Variants in MSI2 observed in about 807,000 individuals in gnomAD.
MSI2 encodes the protein musashi RNA binding protein 2, also known as RNA-binding protein Musashi homolog 2.
MSI2 carries 17 observed loss-of-function variants against 45.6 expected under a neutral mutation model. The ratio of observed to expected loss-of-function variants is 0.37; its 90% CI spans 0.26 to 0.56. The LOEUF is 0.56. Ranked by LOEUF, MSI2 falls within the 20% of genes least tolerant of loss-of-function variation. The pLI is 0.77. For synonymous variants in MSI2, 156 were observed against 158.2 expected (o/e 0.99, Z 0.11); for missense variants, 293 against 444.2 (o/e 0.66, Z 3.06).
In MSI2 at chr17:57,544,285, C is replaced by T. The variant is rs2087116663; in HGVS notation, c.454+14561C>T. Reference sequence around the variant, plus strand: ...TTTTGCTTTATTTTAGGTTTATGGCCTCTTTAGTGTGGGACTAATTAAAAT... The same window carrying T: ...TTTTGCTTTATTTTAGGTTTATGGCTTCTTTAGTGTGGGACTAATTAAAAT... On this transcript the variant is annotated intron_variant, in intron 7 of 13. Coordinates refer to ENST00000284073, the MANE Select transcript of MSI2 (RefSeq NM_138962.4). Among the ~76,000 whole-genome samples, 4 of 152,160 alleles carry T rather than the reference C, an allele frequency of 2.6e-5. 1 individual carries two copies. The highest frequency in any genetic ancestry group is 2.9e-5 in the Non-Finnish European group (2 of 68,042).
At chr17:57,693,134 C>CT in the MSI2 span, among the ~76,000 whole-genome samples, 9 of 151,828 alleles carry the variant, frequency 5.9e-5, no homozygotes, top group African/African-American at 2.2e-4. Flanking sequence ...TTTTTTAACT[C>CT]TTTTTTTCTC....
intron 11 of MSI2, among the ~76,000 whole-genome samples, chr17:57,665,014 C>G (rs1453542862): frequency 6.6e-6 from 1 of 152,236 alleles, no homozygotes. Flanking sequence ...TCATCATGTT[C>G]TTGCTGGATG....
At chr17:57,523,375 T>A (rs769518099) in intron 6 of MSI2, among the ~76,000 whole-genome samples, 4 of 152,154 alleles carry the variant, frequency 2.6e-5, no homozygotes, top group Admixed American at 2.0e-4. Context: ...GTTTTCCTAT[T>A]CAGCCAGCAC....
intron 10 of MSI2, among the ~76,000 whole-genome samples, chr17:57,651,080 G>A (rs1274644642): frequency 6.6e-6 from 1 of 152,172 alleles, no homozygotes; most frequent in Non-Finnish European, 1.5e-5. Context: ...ATATGTATGG[G>A]AGTGTATCTG....
chr17:57,438,885 C>A (rs186702028), intron 6 of MSI2, among the ~76,000 whole-genome samples: 1 of 151,870 alleles, frequency 6.6e-6, no homozygotes, highest in Non-Finnish European at 1.5e-5. Flanking sequence ...CTGCAACCCC[C>A]GCCTCCTGGA....
intron 5 of MSI2, among the ~76,000 whole-genome samples, chr17:57,294,403 G>C (rs541391965): frequency 2.6e-4 from 40 of 152,296 alleles, no homozygotes; most frequent in Admixed American, 4.6e-4. Context: ...AGCTGGCGTG[G>C]CACTGTTGGG....
At chr17:57,614,290 C>A (rs540577139) in intron 8 of MSI2, among the ~76,000 whole-genome samples, 1 of 152,274 alleles carries the variant, frequency 6.6e-6, no homozygotes, top group South Asian at 2.1e-4. Context: ...TGGACTCAAG[C>A]AGTCTGCCTG....
chr17:57,334,032 T>A (rs186913171), intron 5 of MSI2, among the ~76,000 whole-genome samples: 9 of 152,280 alleles, frequency 5.9e-5, no homozygotes, highest in Middle Eastern at 6.8e-3. Context: ...CATTGTTGTC[T>A]CCAGGAAAGC....
intron 6 of MSI2, among the ~76,000 whole-genome samples, chr17:57,438,767 C>CT (rs368788185): frequency 2.6e-5 from 4 of 151,248 alleles, no homozygotes; most frequent in African/African-American, 9.7e-5. Flanking sequence ...TGACCGGAGC[C>CT]TAGGGCCTGA....
At chr17:57,495,844 T>A (rs550320627) in intron 6 of MSI2, among the ~76,000 whole-genome samples, 1 of 152,390 alleles carries the variant, frequency 6.6e-6, no homozygotes, top group Admixed American at 6.5e-5. Flanking sequence ...GCTGTCATTT[T>A]TGATATCTTC....
intron 6 of MSI2, among the ~76,000 whole-genome samples, chr17:57,511,615 C>T (rs73312806): frequency 0.013 from 2,000 of 148,568 alleles, 38 homozygotes; most frequent in African/African-American, 0.049. Flanking sequence ...GTTGATGCAG[C>T]GTACTAACCC....
At chr17:57,544,933 C>G (rs1470252334) in intron 7 of MSI2, among the ~76,000 whole-genome samples, 3 of 152,166 alleles carry the variant, frequency 2.0e-5, no homozygotes, top group Non-Finnish European at 4.4e-5. Context: ...ATACTACACT[C>G]CTTTATGATG....
intron 6 of MSI2, among the ~76,000 whole-genome samples, chr17:57,417,531 C>G (rs963347230): frequency 4.6e-5 from 7 of 152,152 alleles, no homozygotes; most frequent in Non-Finnish European, 1.0e-4. Flanking sequence ...TGTTCAGTCT[C>G]CTCCCTGAGA....
At chr17:57,403,590 T>C (rs1443220729) in intron 6 of MSI2, among the ~76,000 whole-genome samples, 1 of 152,354 alleles carries the variant, frequency 6.6e-6, no homozygotes, top group South Asian at 2.1e-4. Context: ...TTTGAATGTA[T>C]CAAAGCCATA....
chr17:57,420,428 T>C (rs1385747794), intron 6 of MSI2, among the ~76,000 whole-genome samples: 1 of 152,230 alleles, frequency 6.6e-6, no homozygotes, highest in Non-Finnish European at 1.5e-5. Context: ...CAGCATGACA[T>C]GGTTTGAAAA....
chr17:57,436,671 G>A (rs559358992), intron 6 of MSI2, among the ~76,000 whole-genome samples: 1 of 152,308 alleles, frequency 6.6e-6, no homozygotes, highest in East Asian at 1.9e-4. Flanking sequence ...AGGCAGAATT[G>A]GAGACTTGGG....
intron 8 of MSI2, among the ~76,000 whole-genome samples, chr17:57,605,685 T>C (rs1404420971): frequency 6.6e-6 from 1 of 152,258 alleles, no homozygotes; most frequent in African/African-American, 2.4e-5. Context: ...GCCTGGACTC[T>C]TGCCAATTTC....
intron 6 of MSI2, among the ~76,000 whole-genome samples, chr17:57,508,613 G>C (rs770547715): frequency 5.3e-5 from 8 of 152,158 alleles, no homozygotes; most frequent in Non-Finnish European, 1.0e-4. Flanking sequence ...TCTTTGGAAG[G>C]CCTCTTCCAA....
rs1036387044 is a variant in MSI2, at chr17:57,529,368, C to T, written c.406-308C>T. ...GGAGGATTGCTTGAGCTCAGGAGGT[C>T]GAGACTGCAGTGAGCCGTGATGGTG... On this transcript the variant is annotated intron_variant, in intron 6 of 13. Coordinates refer to ENST00000284073, the MANE Select transcript of MSI2 (RefSeq NM_138962.4). This position sits in a 1 kb window ranked among gnomAD's most constrained non-coding sequence, Gnocchi z 5.3. Among the ~76,000 whole-genome samples the T allele has an allele frequency of 1.3e-5, 2 of 152,014 alleles. No individual in the cohort carries two copies. The highest frequency in any genetic ancestry group is 2.9e-5 in the Non-Finnish European group (2 of 68,018).
Sources: gnomAD v4.1 joint callset for allele counts (sites outside exome capture counted in the v4.1 genomes callset) on GRCh38, gnomAD v4.1.1 for gene constraint, Gnocchi (gnomAD v3.1) non-coding constraint, MANE v1.5 for transcripts, NCBI Gene and HGNC (gene_info 2026-07-23, HGNC 2026-07-21) for gene names.